Variants in SNTG1 observed in about 807,000 individuals in gnomAD.
The protein encoded by SNTG1 is gamma-1-syntrophin.
Under a neutral mutation model 74.7 loss-of-function variants are expected in SNTG1, and 39 were observed. The ratio of observed to expected loss-of-function variants is 0.52; its 90% CI spans 0.40 to 0.68. The LOEUF is 0.68. SNTG1 is among the 30% of genes least tolerant of loss of function. The probability of loss-of-function intolerance (pLI) is 0.00; values close to 1 mark genes in which losing one functional copy is unlikely to be tolerated. For synonymous variants in SNTG1, 254 were observed against 217.1 expected, an observed-to-expected ratio of 1.17 and a Z score of -1.49; for missense variants, 685 against 609.5, an observed-to-expected ratio of 1.12 and a Z score of -1.30.
At chr8:50,423,023 T>C in intron 4 of SNTG1, among the ~76,000 whole-genome samples, 1 of 152,210 alleles carries the variant, frequency 6.6e-6, no homozygotes, top group East Asian at 1.9e-4. Flanking sequence ...TTAGCTCAGA[T>C]CTTTTTAGCT....
chr8:50,400,163 A>G (rs1335144160), intron 3 of SNTG1, among the ~76,000 whole-genome samples: 2 of 152,202 alleles, frequency 1.3e-5, no homozygotes, highest in African/African-American at 4.8e-5. Context: ...ATAGCCATGG[A>G]AATGTATATT....
chr8:50,245,150 C>T (rs916855499), intron 2 of SNTG1, among the ~76,000 whole-genome samples: 14 of 152,122 alleles, frequency 9.2e-5, no homozygotes, highest in African/African-American at 3.4e-4. Flanking sequence ...TCAGATTGTT[C>T]TCTCTCTTCC....
chr8:50,760,454 T>A (rs952017497), intron 18 of SNTG1, among the ~76,000 whole-genome samples: 1 of 151,954 alleles, frequency 6.6e-6, no homozygotes, highest in African/African-American at 2.4e-5. Context: ...TTTGCCCATT[T>A]AGTATGATAT....
At chr8:49,979,735 G>A (rs924111171) in intron 1 of SNTG1, among the ~76,000 whole-genome samples, 1 of 152,178 alleles carries the variant, frequency 6.6e-6, no homozygotes, top group Non-Finnish European at 1.5e-5. Context: ...GCCCGCCCTC[G>A]GAGCCTGCTC....
intron 17 of SNTG1, among the ~76,000 whole-genome samples, chr8:50,745,583 G>T (rs1312031019): frequency 6.6e-6 from 1 of 151,936 alleles, no homozygotes; most frequent in Non-Finnish European, 1.5e-5. Flanking sequence ...TGAAAGCAGG[G>T]ACTTAAACAG....
At chr8:49,981,350 T>C (rs1415009693) in intron 1 of SNTG1, among the ~76,000 whole-genome samples, 1 of 152,220 alleles carries the variant, frequency 6.6e-6, no homozygotes, top group African/African-American at 2.4e-5. Context: ...CTCAGTCTTC[T>C]AAGGCCTCAG....
chr8:50,753,428 G>A (rs954771970), intron 18 of SNTG1, among the ~76,000 whole-genome samples: 1 of 151,822 alleles, frequency 6.6e-6, no homozygotes, highest in African/African-American at 2.4e-5. Flanking sequence ...GTATTATTCT[G>A]GCATTTATTC....
chr8:50,003,357 A>T (rs932213780), intron 1 of SNTG1, among the ~76,000 whole-genome samples: 15 of 152,322 alleles, frequency 9.8e-5, no homozygotes, highest in Middle Eastern at 3.4e-3. Context: ...TGAAATTTGT[A>T]ACTGTCAGTG....
chr8:50,365,176 A>T (rs777968409), intron 2 of SNTG1, among the ~76,000 whole-genome samples: 7 of 152,096 alleles, frequency 4.6e-5, no homozygotes, highest in African/African-American at 7.2e-5. Flanking sequence ...CGAGTGGAAA[A>T]ACAAGAGATC....
chr8:50,455,564 G>A (rs902493275), intron 8 of SNTG1, among the ~76,000 whole-genome samples: 1 of 152,130 alleles, frequency 6.6e-6, no homozygotes, highest in African/African-American at 2.4e-5. Context: ...AAAACCTAAT[G>A]CAAAAATCCT....
chr8:50,133,920 A>C (rs756576523), intron 1 of SNTG1, among the ~76,000 whole-genome samples: 25 of 152,210 alleles, frequency 1.6e-4, no homozygotes, highest in Non-Finnish European at 3.4e-4. Flanking sequence ...ACTTCAATGT[A>C]ATTAACAAAA....
rs1811434626 is a variant in SNTG1, at chr8:49,969,385, A to ATATTTTTTTTTTTTT, written c.-103+57155_-103+57156insATTTTTTTTTTTTTT. On this transcript the variant is annotated intron_variant, in intron 1 of 18. Coordinates refer to ENST00000642720, the MANE Select transcript of SNTG1 (RefSeq NM_018967.5). ...GCAAATACACATTTTAATTCATTTA[A>ATATTTTTTTTTTTTT]TCTTTTTTTTTTTTTTTTTTTTTTT... Among the ~76,000 whole-genome samples the ATATTTTTTTTTTTTT allele has an allele frequency of 2.6e-5, 3 of 116,628 alleles. 1 individual carries two copies. The highest frequency in any genetic ancestry group is 3.3e-5 in the African/African-American group (1 of 30,076). 76.5% of individuals were successfully genotyped at this position (116,628 alleles called of 152,430 possible).
chr8:50,593,011 C>A (rs1303388408), intron 13 of SNTG1, among the ~76,000 whole-genome samples: 3 of 152,132 alleles, frequency 2.0e-5, no homozygotes, highest in Admixed American at 6.6e-5. Context: ...TTAGTAAAAT[C>A]TGAGCCAGTT....
chr8:50,493,763 A>G (rs1392956998), intron 8 of SNTG1, among the ~76,000 whole-genome samples: 1 of 150,704 alleles, frequency 6.6e-6, no homozygotes, highest in African/African-American at 2.4e-5. Context: ...ACTTCTATAT[A>G]TTGAGAGTAT....
chr8:50,513,741 G>T (rs2094107142), intron 9 of SNTG1, among the ~76,000 whole-genome samples: 1 of 152,226 alleles, frequency 6.6e-6, no homozygotes, highest in African/African-American at 2.4e-5. Flanking sequence ...CTCCTGGTGT[G>T]CCGTTTGCTA....
intron 2 of SNTG1, among the ~76,000 whole-genome samples, chr8:50,260,949 A>C (rs1335219852): frequency 1.3e-5 from 2 of 152,148 alleles, no homozygotes; most frequent in Non-Finnish European, 2.9e-5. Flanking sequence ...AATACTAGAA[A>C]GAGAGAGAAA....
intron 18 of SNTG1, among the ~76,000 whole-genome samples, chr8:50,769,267 G>T (rs1289599870): frequency 1.3e-5 from 2 of 151,758 alleles, no homozygotes. Flanking sequence ...CTGTCAAAGG[G>T]AACATGCCTA....
At chr8:50,705,566 CT>C (rs879529279) in intron 16 of SNTG1, among the ~76,000 whole-genome samples, 26 of 147,254 alleles carry the variant, frequency 1.8e-4, no homozygotes, top group Middle Eastern at 3.5e-3. Context: ...ATTTATTTGT[CT>C]TTTTTTTTTA....
At chr8:50,121,679 C>CA (rs963354654) in intron 1 of SNTG1, among the ~76,000 whole-genome samples, 5 of 140,886 alleles carry the variant, frequency 3.5e-5, no homozygotes, top group South Asian at 2.7e-4. Context: ...ACAACTGTAC[C>CA]AAAAAAATAG....
Sources: allele counts gnomAD v4.1 joint callset (sites outside exome capture counted in the v4.1 genomes callset), GRCh38; gene constraint gnomAD v4.1.1; transcripts MANE v1.5; gene names NCBI Gene and HGNC (gene_info 2026-07-23, HGNC 2026-07-21).